Variants in STX3 observed in about 807,000 individuals in gnomAD.
STX3 encodes the protein syntaxin 3, also known as syntaxin-3.
In STX3, 19 loss-of-function variants were observed where a neutral mutation model predicts 40.2. The ratio of observed to expected loss-of-function variants is 0.47; its 90% CI spans 0.33 to 0.69. STX3 has a LOEUF of 0.69. STX3 is among the 30% of genes least tolerant of loss of function. The pLI, the probability that STX3 is intolerant of heterozygous loss-of-function variation, is 0.02. For synonymous variants in STX3, 122 were observed against 132.2 expected (o/e 0.92, Z 0.53); for missense variants, 364 against 366.7 (o/e 0.99, Z 0.06).
At chr11:59,777,602 GA>G (rs201248066) in intron 2 of STX3, among the ~76,000 whole-genome samples, 1,921 of 152,288 alleles carry the variant, frequency 0.013, 55 homozygotes, top group Admixed American at 0.066. Context: ...AAGCAACAAA[GA>G]TATGTAATTA....
At chr11:59,791,223 GGTA>G (rs1401627427) in intron 5 of STX3, among the ~76,000 whole-genome samples, 3 of 152,244 alleles carry the variant, frequency 2.0e-5, no homozygotes, top group Admixed American at 1.3e-4. Flanking sequence ...AGCAGTGGTT[GGTA>G]GTGGTGGTGG....
chr11:59,768,655 T>TAA (rs1484487553), intron 1 of STX3, among the ~76,000 whole-genome samples: 3 of 152,234 alleles, frequency 2.0e-5, no homozygotes, highest in Admixed American at 2.0e-4. Flanking sequence ...GCTAAACGCA[T>TAA]AAATACGGTC....
rs571343577 is a variant in STX3, at chr11:59,805,537, A to G, written c.*4713A>G. The G allele has an allele frequency of 6.6e-6, 1 of 152,356 alleles. No homozygotes were observed. Among genetic ancestry groups the G allele is most frequent in the East Asian group, 1.9e-4 (1 of 5,186 alleles). The allele number at this position is 152,356 out of a possible 1,614,324, so 9.4% of individuals were successfully genotyped here. ...TTCCTTTAGTTTTAATAGGGGATAG[A>G]AGACTGCAGCTGGTTGGGTCTGGAA... On this transcript the variant is annotated 3_prime_UTR_variant, in exon 11 of 11. Coordinates refer to ENST00000337979, the MANE Select transcript of STX3 (RefSeq NM_004177.5).
rs753383532 is a variant in STX3 at position 59,755,655 on chromosome 11, G to A, written c.30+20G>A. 1.3e-6 allele frequency: 2 copies of A among 1,591,306 alleles called. No individual in the cohort carries two copies. The highest frequency in any genetic ancestry group is 1.7e-6 in the Non-Finnish European group (2 of 1,174,866). On this transcript the variant is annotated intron_variant, in intron 1 of 10. Transcript: ENST00000337979. Reference sequence around the variant, plus strand: ...AAGGCCGTGAGTTTCGCCGCAGGCGGGGTGCTGCCAGGAGGGGTGCTGCAT... The same window carrying A: ...AAGGCCGTGAGTTTCGCCGCAGGCGAGGTGCTGCCAGGAGGGGTGCTGCAT...
chr11:59,790,253 C>A (rs1237692579), intron 4 of STX3, among the ~76,000 whole-genome samples: 1 of 152,058 alleles, frequency 6.6e-6, no homozygotes, highest in Non-Finnish European at 1.5e-5. Context: ...AAAGTCACAC[C>A]CAGTAAGTGC....
intron 9 of STX3, chr11:59,795,688 C>G (rs1458863354): frequency 6.5e-7 from 1 of 1,536,842 alleles, no homozygotes; most frequent in Non-Finnish European, 8.7e-7. Context: ...AAAAGGCTGT[C>G]AAGTATCAGA....
intron 2 of STX3, among the ~76,000 whole-genome samples, chr11:59,782,168 G>C (rs1206444482): frequency 2.0e-5 from 3 of 152,124 alleles, no homozygotes; most frequent in Non-Finnish European, 2.9e-5. Flanking sequence ...TCCAGATCTC[G>C]AAAATAACTC....
intron 2 of STX3, among the ~76,000 whole-genome samples, chr11:59,775,063 A>G (rs1863883118): frequency 6.6e-6 from 1 of 152,232 alleles, no homozygotes; most frequent in South Asian, 2.1e-4. Flanking sequence ...CCCATCCTCT[A>G]GACTGTGGAT....
chr11:59,773,985 A>C (rs1302211079), intron 2 of STX3, among the ~76,000 whole-genome samples: 7,895 of 148,992 alleles, frequency 0.053, 421 homozygotes, highest in African/African-American at 0.13. Context: ...CACAAAAAAA[A>C]AAAAAAAAAA....
intron 2 of STX3, among the ~76,000 whole-genome samples, chr11:59,777,519 C>G (rs1372623449): frequency 6.6e-6 from 1 of 152,198 alleles, no homozygotes; most frequent in Non-Finnish European, 1.5e-5. Flanking sequence ...GCGATGGAGC[C>G]TTGACCTGAA....
Position 59,801,501 on chromosome 11 carries a change from G to GTCATCT in STX3, c.*677_*678insTCATCT. Reference sequence around the variant, plus strand: ...CTCATATTTACTCAAGGAGGGACCAGGATGATACAGTCATCTGAGGTTATG... The same window carrying GTCATCT: ...CTCATATTTACTCAAGGAGGGACCAGTCATCTGATGATACAGTCATCTGAGGTTATG... On this transcript the variant is annotated 3_prime_UTR_variant, in exon 11 of 11. Transcript: ENST00000337979. 1.0e-6 allele frequency: 1 copy of GTCATCT among 985,576 alleles called. No individual in the cohort carries two copies. Among genetic ancestry groups the GTCATCT allele is most frequent in the Non-Finnish European group, 1.2e-6 (1 of 830,062 alleles). 61.1% of individuals were successfully genotyped at this position (985,576 alleles called of 1,614,324 possible).
chr11:59,764,777 C>G (rs1863203065), intron 1 of STX3, among the ~76,000 whole-genome samples: 1 of 151,950 alleles, frequency 6.6e-6, no homozygotes, highest in African/African-American at 2.4e-5. Flanking sequence ...AAGCAGTTGT[C>G]TTATCTGGAA....
At position 59,755,435 on chromosome 11, in the gene STX3, G is replaced by A. The variant is rs1221676464; in HGVS notation, c.-171G>A. ...GGGGCTGCGCGGCGGAGGCTCCCGT[G>A]GCCTCGGACGCTCCTCCTAGCTAGC... On this transcript the variant is annotated 5_prime_UTR_variant, in exon 1 of 11. Coordinates refer to ENST00000337979, the MANE Select transcript of STX3 (RefSeq NM_004177.5). 4 of 619,468 alleles carry A rather than the reference G, an allele frequency of 6.5e-6. No individual in the cohort carries two copies. Among genetic ancestry groups the A allele is most frequent in the Non-Finnish European group, 7.3e-6 (3 of 412,190 alleles). 38.4% of individuals were successfully genotyped at this position (619,468 alleles called of 1,614,324 possible).
rs140824363 is a variant in STX3 at position 59,787,132 on chromosome 11, G to C, written c.210G>C (p.Glu70Asp). 9 of 1,613,712 alleles carry C rather than the reference G, an allele frequency of 5.6e-6. No homozygotes were observed. The highest frequency in any genetic ancestry group is 1.3e-5 in the African/African-American group (1 of 74,920). ...TCATTCTCTCTGCACCGATTCCAGA[G>C]CCAAGTGAGTGTTTACTTAGAACTG... ...YSIILSAPIP[E>D]PKTKDDLEQL... Residue 70 changes from glutamate to aspartate, a missense_variant, in exon 3 of 11, where the codon GAG becomes GAC. By Grantham distance (45) the Glu-to-Asp change is conservative. Coordinates refer to ENST00000337979, the MANE Select transcript of STX3 (RefSeq NM_004177.5).
At chr11:59,755,660 C>T in intron 1 of STX3, 25 bp downstream of exon 1, 1 of 1,590,432 alleles carries the variant, frequency 6.3e-7, no homozygotes, top group Non-Finnish European at 8.5e-7. Flanking sequence ...AGGCGGGGTG[C>T]TGCCAGGAGG....
Position 59,755,599 on chromosome 11 carries a change from C to T in STX3, c.-7C>T, listed in dbSNP as rs769102765. The T allele has an allele frequency of 1.3e-6, 2 of 1,593,814 alleles. No individual in the cohort carries two copies. The highest frequency in any genetic ancestry group is 1.7e-6 in the Non-Finnish European group (2 of 1,176,310). ...CGCTACCTGCCTCCGGGCGCCTGGGCTTCAGGATGAAGGACCGTCTGGAGC... is the reference window on the plus strand; with the variant it reads ...CGCTACCTGCCTCCGGGCGCCTGGGTTTCAGGATGAAGGACCGTCTGGAGC... On this transcript the variant is annotated 5_prime_UTR_variant, in exon 1 of 11. Coordinates refer to ENST00000337979, the MANE Select transcript of STX3 (RefSeq NM_004177.5).
rs116216571 is a variant in STX3 at position 59,795,741 on chromosome 11, G to A, written c.786+259G>A. ...AGCACCTTCATCTCAACTGTCCTTCGTCTCAGCTGTCTTACTAGTATCTCT... is the reference window on the plus strand; with the variant it reads ...AGCACCTTCATCTCAACTGTCCTTCATCTCAGCTGTCTTACTAGTATCTCT... On this transcript the variant is annotated intron_variant, in intron 9 of 10. Coordinates refer to ENST00000337979, the MANE Select transcript of STX3 (RefSeq NM_004177.5). 18 of 1,522,486 alleles carry A rather than the reference G, an allele frequency of 1.2e-5. No individual in the cohort carries two copies. In the Admixed American group the frequency reaches 1.6e-4, roughly 13 times the overall value. The allele number at this position is 1,522,486 out of a possible 1,614,324, so 94.3% of individuals were successfully genotyped here. A position where few individuals can be genotyped will look rare whatever the true frequency, so the allele number is the denominator to read the frequency against.
At chr11:59,793,920 AT>A (rs879668239) in intron 8 of STX3, among the ~76,000 whole-genome samples, 1 of 150,736 alleles carries the variant, frequency 6.6e-6, no homozygotes, top group Non-Finnish European at 1.5e-5. Context: ...TCCTCCCAGG[AT>A]TTGTCTTTTT....
chr11:59,794,085 A>AT (rs1381098279), intron 8 of STX3, among the ~76,000 whole-genome samples: 1 of 150,786 alleles, frequency 6.6e-6, no homozygotes, highest in African/African-American at 2.4e-5. Context: ...ATTTTTTTCC[A>AT]TTTTTTTTCT....
Sources: gnomAD v4.1 joint callset for allele counts (sites outside exome capture counted in the v4.1 genomes callset) on GRCh38, gnomAD v4.1.1 for gene constraint, MANE v1.5 for transcripts, NCBI Gene and HGNC (gene_info 2026-07-23, HGNC 2026-07-21) for gene names.